The following TMCC2 variants were observed in gnomAD, a reference collection of about 807,000 sequenced individuals.
TMCC2 encodes transmembrane and coiled-coil domains protein 2.
A neutral mutation model predicts 49.4 loss-of-function variants in TMCC2; 16 were observed. The ratio of observed to expected loss-of-function variants is 0.32; its 90% CI spans 0.22 to 0.49. The LOEUF is 0.49. TMCC2 is among the 20% of genes least tolerant of loss of function. TMCC2 has a pLI of 0.99. For missense variants in TMCC2, 762 were observed against 989.8 expected (o/e 0.77, Z 3.09); for synonymous variants, 397 against 434.1 (o/e 0.91, Z 1.06).
intron 2 of TMCC2, chr1:205,246,616 C>T (rs983979813): frequency 1.2e-5 from 19 of 1,550,156 alleles, no homozygotes; most frequent in Non-Finnish European, 1.6e-5. Context: ...AGGAGCCCAG[C>T]AGAATGAACC....
intron 1 of TMCC2, chr1:205,230,276 C>T: frequency 1.4e-6 from 1 of 699,298 alleles, no homozygotes; most frequent in Non-Finnish European, 1.8e-6. Context: ...TTAAACTTTG[C>T]AGTAATTATT....
intron 1 of TMCC2, among the ~76,000 whole-genome samples, chr1:205,235,994 G>A (rs978545820): frequency 2.6e-5 from 4 of 150,958 alleles, no homozygotes; most frequent in South Asian, 2.1e-4. Flanking sequence ...GCTTGAACCC[G>A]GCAGGCAAAG....
intron 2 of TMCC2, chr1:205,267,858 C>T (rs947707721): frequency 1.5e-5 from 15 of 984,714 alleles, no homozygotes; most frequent in African/African-American, 1.7e-5. Context: ...CAAAGCTGGG[C>T]GGCTAGTAGC....
intron 2 of TMCC2, 27 bp downstream of exon 2, chr1:205,242,071 G>T: frequency 4.5e-6 from 7 of 1,546,682 alleles, no homozygotes; most frequent in Non-Finnish European, 6.1e-6. Flanking sequence ...GGGGCAGGGG[G>T]AGACTCAGAG....
At chr1:205,234,425 G>A (rs1659948349) in intron 1 of TMCC2, among the ~76,000 whole-genome samples, 1 of 152,162 alleles carries the variant, frequency 6.6e-6, no homozygotes, top group African/African-American at 2.4e-5. Flanking sequence ...CAGCCTGGGC[G>A]ACAGAGCGAG....
Position 205,271,792 on chromosome 1 carries a change from C to T in TMCC2, c.1819-21C>T, listed in dbSNP as rs1441957182. ...CCTGCCCATCCTGAGCGCACACATG[C>T]CAGCCCCTCTGCCCCTGCAGGAGGC... On this transcript the variant is annotated intron_variant, in intron 4 of 4. Coordinates refer to ENST00000358024, the MANE Select transcript of TMCC2 (RefSeq NM_014858.4). 2.5e-6 allele frequency: 4 copies of T among 1,602,250 alleles called. No individual in the cohort carries two copies. The Admixed American group carries it at 5.0e-5, about 20-fold the overall frequency.
chr1:205,255,618 A>T (rs1660835943), intron 2 of TMCC2, among the ~76,000 whole-genome samples: 1 of 152,176 alleles, frequency 6.6e-6, no homozygotes, highest in African/African-American at 2.4e-5. Flanking sequence ...TTTCTACCTG[A>T]GACAGAACTG....
chr1:205,233,108 C>T (rs953427719), intron 1 of TMCC2, among the ~76,000 whole-genome samples: 2 of 151,606 alleles, frequency 1.3e-5, no homozygotes, highest in Non-Finnish European at 2.9e-5. Flanking sequence ...TCTGAAGGCA[C>T]GGGAGGAAAT....
At chr1:205,270,577 C>T (rs1199275776) in intron 3 of TMCC2, among the ~76,000 whole-genome samples, 1 of 152,180 alleles carries the variant, frequency 6.6e-6, no homozygotes, top group Non-Finnish European at 1.5e-5. Context: ...TCTTTTTCTT[C>T]TCCATATATA....
intron 2 of TMCC2, chr1:205,256,251 G>A: frequency 6.5e-7 from 1 of 1,526,960 alleles, no homozygotes. Context: ...GCTGTGAGAA[G>A]CTGCCATTAG....
chr1:205,263,509 G>A (rs1218684174), intron 2 of TMCC2, among the ~76,000 whole-genome samples: 20 of 151,892 alleles, frequency 1.3e-4, no homozygotes. Context: ...TGGGCAACAT[G>A]GCAAAACCCT....
At chr1:205,271,070 G>C in intron 3 of TMCC2, 50 bp from the exon 4 acceptor site, 1 of 1,603,358 alleles carries the variant, frequency 6.2e-7, no homozygotes, top group Non-Finnish European at 8.5e-7. Context: ...GTGGGAGAGA[G>C]TGGAAGCTCG....
intron 2 of TMCC2, among the ~76,000 whole-genome samples, chr1:205,263,722 C>T (rs1661210272): frequency 6.6e-6 from 1 of 152,080 alleles, no homozygotes; most frequent in Non-Finnish European, 1.5e-5. Flanking sequence ...ACAAAAAAAG[C>T]CTGCAGTCTT....
intron 3 of TMCC2, 108 bp from the exon 4 acceptor site, chr1:205,271,012 G>A: frequency 6.8e-7 from 1 of 1,466,232 alleles, no homozygotes; most frequent in Non-Finnish European, 9.2e-7. Context: ...AGCTGGACAC[G>A]GGGGATGGGC....
intron 1 of TMCC2, among the ~76,000 whole-genome samples, chr1:205,239,551 G>A (rs956565181): frequency 6.6e-6 from 1 of 152,210 alleles, no homozygotes; most frequent in Non-Finnish European, 1.5e-5. Flanking sequence ...AGGAATCATG[G>A]TAGCCTTAAT....
chr1:205,268,145 G>A (rs1324891177), intron 2 of TMCC2: 16 of 886,788 alleles, frequency 1.8e-5, no homozygotes, highest in Non-Finnish European at 2.2e-5. Flanking sequence ...GGCGAGGGCA[G>A]GCAGGCAGGG....
intron 1 of TMCC2, among the ~76,000 whole-genome samples, chr1:205,239,271 C>T (rs1429953000): frequency 6.6e-6 from 1 of 152,158 alleles, no homozygotes; most frequent in East Asian, 1.9e-4. Flanking sequence ...GCCAGCTGGC[C>T]CCATCACAGT....
chr1:205,272,581 C>T lies in TMCC2; in HGVS notation c.*457C>T, dbSNP rs1467889088. ...AGGCTGGAGAGTGAGGGAGGAGGCTCTGCTGGCCGCAGAGAACACAGGGAT... is the reference window on the plus strand; with the variant it reads ...AGGCTGGAGAGTGAGGGAGGAGGCTTTGCTGGCCGCAGAGAACACAGGGAT... On this transcript the variant is annotated 3_prime_UTR_variant, in exon 5 of 5. Transcript: ENST00000358024. The T allele has an allele frequency of 1.7e-5, 3 of 174,804 alleles. No individual in the cohort carries two copies. Among genetic ancestry groups the T allele is most frequent in the Non-Finnish European group, 3.7e-5 (3 of 81,638 alleles). The allele number at this position is 174,804 out of a possible 1,614,324, so 10.8% of individuals were successfully genotyped here.
At position 205,272,189 on chromosome 1, in the gene TMCC2, C is replaced by T. The variant is rs945757771; in HGVS notation, c.*65C>T. Reference sequence around the variant, plus strand: ...CTGGCCACACTTCTCCAGGAGGGACCCTTGGACTTCTTTGTGTGTCCAGTT... The same window carrying T: ...CTGGCCACACTTCTCCAGGAGGGACTCTTGGACTTCTTTGTGTGTCCAGTT... On this transcript the variant is annotated 3_prime_UTR_variant, in exon 5 of 5. Coordinates refer to ENST00000358024, the MANE Select transcript of TMCC2 (RefSeq NM_014858.4). The T allele has an allele frequency of 5.8e-6, 9 of 1,564,088 alleles. No homozygotes were observed. In the African/African-American group the frequency reaches 1.1e-4, roughly 19 times the overall value.
Sources: gnomAD v4.1 joint callset for allele counts (sites outside exome capture counted in the v4.1 genomes callset) on GRCh38, gnomAD v4.1.1 for gene constraint, MANE v1.5 for transcripts, NCBI Gene and HGNC (gene_info 2026-07-23, HGNC 2026-07-21) for gene names.